Variants in L3MBTL4 observed in about 807,000 individuals in gnomAD.
The protein encoded by L3MBTL4 is L3MBTL histone methyl-lysine binding protein 4, also known as lethal(3)malignant brain tumor-like protein 4.
A neutral mutation model predicts 84.5 loss-of-function variants in L3MBTL4; 70 were observed. The observed-to-expected ratio is 0.83, with a 90% CI of 0.68 to 1.01. The LOEUF is 1.01. L3MBTL4 is among the 50% of genes least tolerant of loss of function. L3MBTL4 has a pLI of 0.00. For synonymous variants in L3MBTL4, 274 were observed against 259.8 expected (o/e 1.05, Z -0.52); for missense variants, 715 against 754.8 (o/e 0.95, Z 0.62).
chr18:6,087,784 G>T (rs935143787), intron 15 of L3MBTL4, among the ~76,000 whole-genome samples: 2 of 152,140 alleles, frequency 1.3e-5, no homozygotes, highest in Non-Finnish European at 2.9e-5. Flanking sequence ...ATGGAGAAAA[G>T]ACATGGAACT....
intron 16 of L3MBTL4, among the ~76,000 whole-genome samples, chr18:6,049,554 T>C (rs2056767801): frequency 6.6e-6 from 1 of 152,210 alleles, no homozygotes; most frequent in Non-Finnish European, 1.5e-5. Context: ...AATGAAATCA[T>C]ATCTTTTGCA....
intron 4 of L3MBTL4, among the ~76,000 whole-genome samples, chr18:6,267,394 T>C (rs1181212947): frequency 1.3e-5 from 2 of 152,234 alleles, no homozygotes; most frequent in Non-Finnish European, 1.5e-5. Flanking sequence ...TCACAGTCCA[T>C]TGGCCCATTA....
At chr18:6,195,845 T>C (rs1351671000) in intron 12 of L3MBTL4, among the ~76,000 whole-genome samples, 1 of 152,076 alleles carries the variant, frequency 6.6e-6, no homozygotes, top group Non-Finnish European at 1.5e-5. Context: ...TTTTCACAAC[T>C]CTTTGCAAAC....
intron 4 of L3MBTL4, among the ~76,000 whole-genome samples, chr18:6,291,326 A>G (rs2049856178): frequency 6.6e-6 from 1 of 152,172 alleles, no homozygotes; most frequent in African/African-American, 2.4e-5. Context: ...TGATCCCTTT[A>G]GTAGAGTTGT....
intron 16 of L3MBTL4, among the ~76,000 whole-genome samples, chr18:6,034,631 A>T (rs1288714118): frequency 6.6e-6 from 1 of 151,970 alleles, no homozygotes; most frequent in African/African-American, 2.4e-5. Flanking sequence ...TCTTTATAGC[A>T]GCATGATTTA....
chr18:6,072,857 C>T (rs1472705277), intron 16 of L3MBTL4, among the ~76,000 whole-genome samples: 1 of 30,232 alleles, frequency 3.3e-5, no homozygotes, highest in Non-Finnish European at 5.9e-5. Context: ...GAGAGAGAGA[C>T]TCCGTCTCAA....
At chr18:6,131,088 CTT>C (rs2059862764) in intron 14 of L3MBTL4, among the ~76,000 whole-genome samples, 1 of 152,186 alleles carries the variant, frequency 6.6e-6, no homozygotes, top group Non-Finnish European at 1.5e-5. Context: ...TCATCGTTCT[CTT>C]TGTCAGCTGT....
intron 1 of L3MBTL4, among the ~76,000 whole-genome samples, chr18:6,400,214 C>T (rs1435888658): frequency 1.3e-5 from 2 of 152,152 alleles, no homozygotes. Flanking sequence ...GAAACTAAAA[C>T]AATTCAATAT....
chr18:6,405,049 G>A (rs2055668454), intron 1 of L3MBTL4, among the ~76,000 whole-genome samples: 1 of 152,056 alleles, frequency 6.6e-6, no homozygotes, highest in South Asian at 2.1e-4. Context: ...CTTAGGCTAG[G>A]GAAAACTTGA....
chr18:6,299,666 C>A (rs988006726), intron 4 of L3MBTL4, among the ~76,000 whole-genome samples: 8 of 148,942 alleles, frequency 5.4e-5, no homozygotes, highest in Non-Finnish European at 7.4e-5. Context: ...GTTTATTTTG[C>A]AATATAGATA....
chr18:6,271,849 C>T (rs1018525018), intron 4 of L3MBTL4, among the ~76,000 whole-genome samples: 1 of 152,122 alleles, frequency 6.6e-6, no homozygotes, highest in Non-Finnish European at 1.5e-5. Flanking sequence ...GCTCTGCTCG[C>T]CCAAGTAAGA....
At chr18:6,088,621 T>C (rs1441156959) in intron 15 of L3MBTL4, among the ~76,000 whole-genome samples, 1 of 151,306 alleles carries the variant, frequency 6.6e-6, no homozygotes, top group Non-Finnish European at 1.5e-5. Context: ...GAAAGTGAAA[T>C]TGAGGAGTGA....
At chr18:6,263,695 C>A (rs1013339363) in intron 5 of L3MBTL4, among the ~76,000 whole-genome samples, 2 of 152,168 alleles carry the variant, frequency 1.3e-5, no homozygotes, top group African/African-American at 4.8e-5. Context: ...AGGTAGGGAA[C>A]CTTTCCTACC....
chr18:6,103,990 C>T (rs1326071789), intron 14 of L3MBTL4, among the ~76,000 whole-genome samples: 1 of 152,188 alleles, frequency 6.6e-6, no homozygotes, highest in African/African-American at 2.4e-5. Flanking sequence ...AAGCCATGCT[C>T]TGCGGAGTCC....
chr18:6,145,709 GATTTT>G (rs1362676175), intron 13 of L3MBTL4, among the ~76,000 whole-genome samples: 1 of 151,944 alleles, frequency 6.6e-6, no homozygotes, highest in Non-Finnish European at 1.5e-5. Context: ...TAACAGTCAA[GATTTT>G]ATTTTTTCTT....
chr18:6,126,832 A>G (rs1410216296), intron 14 of L3MBTL4, among the ~76,000 whole-genome samples: 1 of 152,230 alleles, frequency 6.6e-6, no homozygotes, highest in Non-Finnish European at 1.5e-5. Context: ...AGGTTCTTTA[A>G]AATCAGATAC....
chr18:6,135,358 T>G (rs1344393482), intron 14 of L3MBTL4, among the ~76,000 whole-genome samples: 1 of 152,224 alleles, frequency 6.6e-6, no homozygotes, highest in Admixed American at 6.5e-5. Flanking sequence ...TTGCTACTTA[T>G]GCAAATTTCT....
chr18:6,233,985 C>T (rs1345786565), intron 10 of L3MBTL4, among the ~76,000 whole-genome samples: 3 of 152,164 alleles, frequency 2.0e-5, no homozygotes, highest in Non-Finnish European at 4.4e-5. Context: ...ACCAGTGGAA[C>T]AGAACAGAGC....
At chr18:6,185,994 A>ATTTTATTTTTATTTTTT (rs113776309) in intron 12 of L3MBTL4, among the ~76,000 whole-genome samples, 1 of 145,994 alleles carries the variant, frequency 6.8e-6, no homozygotes, top group African/African-American at 2.7e-5. Flanking sequence ...ATTTTATTTT[A>ATTTTATTTTTATTTTTT]TTATTTTATA....
Sources: allele counts gnomAD v4.1 joint callset (sites outside exome capture counted in the v4.1 genomes callset), GRCh38; gene constraint gnomAD v4.1.1; transcripts MANE v1.5; gene names NCBI Gene and HGNC (gene_info 2026-07-23, HGNC 2026-07-21).